Variants in DAB1 observed in about 807,000 individuals in gnomAD.
DAB1 encodes disabled homolog 1.
Under a neutral mutation model 64.6 loss-of-function variants are expected in DAB1, and 15 were observed. The observed-to-expected ratio is 0.23, with a 90% CI of 0.16 to 0.36. The LOEUF (loss-of-function observed/expected upper bound fraction) is 0.36, where lower values mean the gene tolerates loss of function less well. DAB1 is among the 10% of genes least tolerant of loss of function. The pLI is 1.00. For synonymous variants in DAB1, 235 were observed against 251.9 expected (o/e 0.93, Z 0.64); for missense variants, 596 against 706.7 (o/e 0.84, Z 1.78).
chr1:58,486,436 A>T (rs1309275089), intron 3 of DAB1, among the ~76,000 whole-genome samples: 1 of 152,120 alleles, frequency 6.6e-6, no homozygotes, highest in African/African-American at 2.4e-5. Context: ...TACATGCTAA[A>T]TTTCTATAAG....
intron 2 of DAB1, among the ~76,000 whole-genome samples, chr1:57,219,529 T>A (rs1328148273): frequency 6.6e-6 from 1 of 152,224 alleles, no homozygotes; most frequent in Non-Finnish European, 1.5e-5. Context: ...TAGGGGAACC[T>A]GACACTCACT....
At chr1:57,880,155 G>C (rs1280684861) in intron 1 of DAB1, 2 of 149,442 alleles carry the variant, frequency 1.3e-5, no homozygotes, top group Non-Finnish European at 1.5e-5. Flanking sequence ...GCTCATAGAA[G>C]AGGTGAGTTT....
chr1:57,302,498 C>T (rs1278773889), intron 1 of DAB1, among the ~76,000 whole-genome samples: 1 of 152,192 alleles, frequency 6.6e-6, no homozygotes, highest in Non-Finnish European at 1.5e-5. Context: ...GCACGGTGGG[C>T]AGCTCCCGAA....
intron 3 of DAB1, chr1:58,480,842 T>G (rs944488193): frequency 3.3e-6 from 2 of 614,280 alleles, no homozygotes; most frequent in Non-Finnish European, 5.5e-6. Flanking sequence ...ATATCTGTAA[T>G]GTACATGATT....
chr1:57,102,051 T>G (rs1319770433), intron 4 of DAB1, among the ~76,000 whole-genome samples: 4 of 152,142 alleles, frequency 2.6e-5, no homozygotes, highest in African/African-American at 9.7e-5. Context: ...GGGCCCTTGC[T>G]CTCAATGAGC....
chr1:57,659,647 C>G (rs557103483), intron 6 of DAB1, among the ~76,000 whole-genome samples: 2 of 152,092 alleles, frequency 1.3e-5, no homozygotes, highest in African/African-American at 4.8e-5. Flanking sequence ...AGGTTTCCCC[C>G]AGCTAGGAAT....
intron 7 of DAB1, among the ~76,000 whole-genome samples, chr1:57,515,246 T>C (rs1229205495): frequency 6.6e-6 from 1 of 152,238 alleles, no homozygotes; most frequent in Non-Finnish European, 1.5e-5. Context: ...ACTTAGACAC[T>C]GATTATAAAA....
intron 5 of DAB1, among the ~76,000 whole-genome samples, chr1:58,053,692 TA>T (rs1428888060): frequency 1.3e-5 from 2 of 152,204 alleles, no homozygotes; most frequent in Non-Finnish European, 2.9e-5. Flanking sequence ...ATAGTAAAGA[TA>T]ATATATGAAA....
intron 2 of DAB1, among the ~76,000 whole-genome samples, chr1:57,176,854 A>T (rs529196536): frequency 2.0e-5 from 3 of 151,958 alleles, no homozygotes; most frequent in African/African-American, 7.3e-5. Context: ...TATCTTTCTA[A>T]TATGAACTTT....
rs1645159111 is a variant in DAB1, at chr1:57,944,748, T to C, written n.388-60586A>G. On this transcript the variant is annotated intron_variant and non_coding_transcript_variant, in intron 5 of 20. Transcript: ENST00000485760. ...ACACACATATATAACCTCGGCAAGC[T>C]GCTCCAAAAAGCGCTATCTCATCTA... 2.6e-5 allele frequency among the ~76,000 whole-genome samples: 4 copies of C among 152,266 alleles called. No homozygotes were observed. In the South Asian group the frequency reaches 6.2e-4, roughly 24 times the overall value.
intron 3 of DAB1, among the ~76,000 whole-genome samples, chr1:58,356,210 G>A (rs1195574381): frequency 6.6e-6 from 1 of 151,940 alleles, no homozygotes; most frequent in African/African-American, 2.4e-5. Context: ...GGTTCTAGTT[G>A]CCAACCCTGG....
At chr1:58,416,005 C>G (rs1197885139) in intron 3 of DAB1, among the ~76,000 whole-genome samples, 1 of 152,184 alleles carries the variant, frequency 6.6e-6, no homozygotes, top group African/African-American at 2.4e-5. Flanking sequence ...TGGTAAGTGT[C>G]AATAAGCAAT....
chr1:57,716,340 T>C (rs912856132), intron 6 of DAB1, among the ~76,000 whole-genome samples: 2 of 152,214 alleles, frequency 1.3e-5, no homozygotes, highest in African/African-American at 2.4e-5. Context: ...CTTCAAAATA[T>C]ATTACAAAAC....
chr1:57,181,516 A>C (rs1313543085), intron 2 of DAB1, among the ~76,000 whole-genome samples: 1 of 152,206 alleles, frequency 6.6e-6, no homozygotes, highest in Non-Finnish European at 1.5e-5. Context: ...AATGGATTAC[A>C]TGTTTCCTTA....
At chr1:57,765,372 C>A (rs2101823210) in intron 6 of DAB1, among the ~76,000 whole-genome samples, 1 of 152,294 alleles carries the variant, frequency 6.6e-6, no homozygotes, top group African/African-American at 2.4e-5. Flanking sequence ...CATTTCAAGG[C>A]CTAGATGATA....
At chr1:57,400,993 T>TAAAA (rs11462115) in intron 1 of DAB1, among the ~76,000 whole-genome samples, 73 of 137,888 alleles carry the variant, frequency 5.3e-4, no homozygotes, top group Non-Finnish European at 8.1e-4. Context: ...AGCTCTCTCT[T>TAAAA]AAAAAAAAAA....
At position 58,394,853 on chromosome 1, in the gene DAB1, A is replaced by G. The variant is rs999628084; in HGVS notation, n.258-51450T>C. 1.9e-4 allele frequency among the ~76,000 whole-genome samples: 29 copies of G among 152,210 alleles called. 1 individual carries two copies. The highest frequency in any genetic ancestry group is 6.5e-5 in the Admixed American group (1 of 15,278). ...GGTCATACTACTGTACGTATTTGTC[A>G]AAACTCATTGAGTTGTATATAAAAT... On this transcript the variant is annotated intron_variant and non_coding_transcript_variant, in intron 3 of 20. Coordinates refer to the DAB1 transcript ENST00000485760.
intron 9 of DAB1, among the ~76,000 whole-genome samples, chr1:57,056,513 AAAAAAAAG>A (rs1649782884): frequency 6.6e-6 from 1 of 151,116 alleles, no homozygotes; most frequent in Non-Finnish European, 1.5e-5. Context: ...TCAAAAAAAA[AAAAAAAAG>A]AAAAAAAAGA....
At chr1:57,501,774 G>A (rs548164062) in intron 7 of DAB1, among the ~76,000 whole-genome samples, 96 of 152,256 alleles carry the variant, frequency 6.3e-4, no homozygotes, top group African/African-American at 2.3e-3. Context: ...GCTTTTAATG[G>A]TGGAATTCGT....
Sources: allele counts gnomAD v4.1 joint callset (sites outside exome capture counted in the v4.1 genomes callset), GRCh38; gene constraint gnomAD v4.1.1; transcripts MANE v1.5; gene names NCBI Gene and HGNC (gene_info 2026-07-23, HGNC 2026-07-21).